ARHGAP5: variants seen among roughly 807,000 people sequenced by gnomAD.
ARHGAP5 encodes the protein rho GTPase-activating protein 5.
A neutral mutation model predicts 116.6 loss-of-function variants in ARHGAP5; 23 were observed. The observed-to-expected ratio is 0.20, with a 90% CI of 0.14 to 0.28. The LOEUF (loss-of-function observed/expected upper bound fraction) is 0.28, where lower values mean the gene tolerates loss of function less well. Ranked by LOEUF, ARHGAP5 falls within the 10% of genes least tolerant of loss-of-function variation. ARHGAP5 has a pLI of 1.00. For synonymous variants in ARHGAP5, 574 were observed against 602.0 expected (o/e 0.95, Z 0.68); for missense variants, 1,405 against 1,774.8 (o/e 0.79, Z 3.74).
chr14:32,134,235 C>G (rs992240831), intron 3 of ARHGAP5, among the ~76,000 whole-genome samples: 2 of 151,898 alleles, frequency 1.3e-5, no homozygotes, highest in Admixed American at 6.6e-5. Flanking sequence ...AATTCAAAGC[C>G]TTTTTTTGCA....
chr14:32,154,875 T>C lies in ARHGAP5; in HGVS notation c.4436T>C (p.Leu1479Pro). Reference sequence around the variant, plus strand: ...CAGTTGGTGGAACCAATGGTGCCACTTCAGTTGCCGCCACCATTGCAACCT... The same window carrying C: ...CAGTTGGTGGAACCAATGGTGCCACCTCAGTTGCCGCCACCATTGCAACCT... The part of the protein sequence containing the change: ...PGQLVEPMVP[L>P]QLPPPLQPQL... Residue 1479 changes from leucine (L) to proline (P), a missense_variant, in exon 7 of 7, where the codon CTT becomes CCT. Physicochemically the swap from Leu to Pro is moderately conservative, Grantham distance 98 (BLOSUM62 -3). Around this residue, in one of 6 missense-constraint regions of ARHGAP5, gnomAD observed 85 missense variants for 96.6 expected, o/e 0.88. Transcript: ENST00000345122. 6.2e-7 allele frequency: 1 copy of C among 1,614,062 alleles called. No individual in the cohort carries two copies. The highest frequency in any genetic ancestry group is 1.1e-5 in the South Asian group (1 of 91,076).
At chr14:32,131,973 C>T (rs891861514) in intron 3 of ARHGAP5, among the ~76,000 whole-genome samples, 5 of 152,256 alleles carry the variant, frequency 3.3e-5, no homozygotes, top group African/African-American at 1.2e-4. Flanking sequence ...TTTTCTTAAT[C>T]CAGTCTGTCC....
intron 3 of ARHGAP5, among the ~76,000 whole-genome samples, chr14:32,138,316 A>G (rs527345093): frequency 3.4e-4 from 52 of 152,172 alleles, no homozygotes; most frequent in African/African-American, 1.2e-3. Flanking sequence ...GCAGAGTCTC[A>G]CTCTGTTGCC....
chr14:32,119,588 A>G (rs954029185), intron 3 of ARHGAP5, among the ~76,000 whole-genome samples: 15 of 152,152 alleles, frequency 9.9e-5, no homozygotes, highest in African/African-American at 3.6e-4. Context: ...ATTCACCGCT[A>G]AAAGCATCTG....
intron 1 of ARHGAP5, among the ~76,000 whole-genome samples, chr14:32,089,038 A>G (rs777599452): frequency 6.6e-6 from 1 of 151,966 alleles, no homozygotes; most frequent in East Asian, 1.9e-4. Flanking sequence ...ACAAAAGTGA[A>G]CCTAATATAT....
At chr14:32,111,415 G>A (rs1451427317) in intron 2 of ARHGAP5, among the ~76,000 whole-genome samples, 1 of 152,198 alleles carries the variant, frequency 6.6e-6, no homozygotes, top group East Asian at 1.9e-4. Context: ...GAGACTGACT[G>A]CTGAAAAGTC....
chr14:32,139,757 G>A (rs2139124544), intron 3 of ARHGAP5, among the ~76,000 whole-genome samples: 1 of 150,304 alleles, frequency 6.7e-6, no homozygotes, highest in South Asian at 2.1e-4. Context: ...GTTTAGCTTT[G>A]TCTTCTTTTT....
rs1878352974 is a variant in ARHGAP5, at chr14:32,093,203, A to G, written c.2534A>G (p.Asp845Gly). Residue 845 changes from aspartate (D) to glycine (G), a missense_variant, in exon 2 of 7, where the codon GAT (aspartate) becomes GGT (glycine). Transcript: ENST00000345122. The part of the protein sequence containing the change: ...SYHSSIGVRK[D>G]ELVHGYILVY... ...CACTCTTCAATTGGAGTAAGAAAAGATGAACTAGTTCATGGGTATATATTA... is the reference window on the plus strand; with the variant it reads ...CACTCTTCAATTGGAGTAAGAAAAGGTGAACTAGTTCATGGGTATATATTA... 2 of 1,614,040 alleles carry G rather than the reference A, an allele frequency of 1.2e-6. No homozygotes were observed. Among genetic ancestry groups the G allele is most frequent in the Admixed American group, 1.7e-5 (1 of 60,002 alleles).
intron 4 of ARHGAP5, among the ~76,000 whole-genome samples, chr14:32,149,347 A>C (rs1282103698): frequency 1.4e-5 from 2 of 145,158 alleles, no homozygotes; most frequent in Non-Finnish European, 3.0e-5. Flanking sequence ...CTGTATAAAC[A>C]AAAAAAAAAG....
intron 3 of ARHGAP5, among the ~76,000 whole-genome samples, chr14:32,125,691 G>A (rs1045117530): frequency 4.6e-5 from 7 of 152,118 alleles, no homozygotes; most frequent in Admixed American, 3.9e-4. Flanking sequence ...TTTTGATAAG[G>A]TTTCCTTTTA....
At chr14:32,134,604 G>C (rs918309271) in intron 3 of ARHGAP5, among the ~76,000 whole-genome samples, 3 of 152,048 alleles carry the variant, frequency 2.0e-5, no homozygotes, top group Non-Finnish European at 4.4e-5. Context: ...AAAATAGCCG[G>C]CCTATTGAAC....
intron 2 of ARHGAP5, among the ~76,000 whole-genome samples, chr14:32,103,164 T>G (rs1398877472): frequency 6.6e-6 from 1 of 152,210 alleles, no homozygotes; most frequent in Non-Finnish European, 1.5e-5. Context: ...ATTTGTTTCT[T>G]CAGCATTTTT....
chr14:32,133,903 T>G (rs139073168), intron 3 of ARHGAP5, among the ~76,000 whole-genome samples: 2,311 of 152,290 alleles, frequency 0.015, 62 homozygotes, highest in African/African-American at 0.053. Flanking sequence ...TTGCATGTAT[T>G]GAACCAGCCT....
chr14:32,081,548 CAA>C (rs529516365), intron 1 of ARHGAP5, among the ~76,000 whole-genome samples: 156 of 48,876 alleles, frequency 3.2e-3, no homozygotes, highest in African/African-American at 9.7e-3. Context: ...GACTCCTTCT[CAA>C]AAAAAAAAAA....
intron 4 of ARHGAP5, among the ~76,000 whole-genome samples, chr14:32,147,195 T>C (rs1461075606): frequency 6.6e-6 from 1 of 152,164 alleles, no homozygotes; most frequent in Non-Finnish European, 1.5e-5. Context: ...AATGAGTGAA[T>C]ATTTTTATAG....
chr14:32,126,437 G>A (rs1203477652), intron 3 of ARHGAP5, among the ~76,000 whole-genome samples: 3 of 152,090 alleles, frequency 2.0e-5, no homozygotes, highest in South Asian at 2.1e-4. Context: ...CTCCATGTGC[G>A]TGCGCAGGTG....
chr14:32,137,185 C>T (rs974728844), intron 3 of ARHGAP5, among the ~76,000 whole-genome samples: 2 of 150,182 alleles, frequency 1.3e-5, no homozygotes, highest in Non-Finnish European at 3.0e-5. Flanking sequence ...ATCACTTTTT[C>T]CTTTATCCCT....
rs1882029555 is a variant in ARHGAP5, at chr14:32,159,680, ATTC to A, written c.*4735_*4737del. On this transcript the variant is annotated 3_prime_UTR_variant, in exon 7 of 7. Coordinates refer to ENST00000345122, the MANE Select transcript of ARHGAP5 (RefSeq NM_001030055.2). ...GGGGCTCTTAGTTTCTTTTCTCCAG[ATTC>A]TTGTTATTTTATTTTATCCAAATAA... 1 of 152,032 alleles carries A rather than the reference ATTC, an allele frequency of 6.6e-6. No homozygotes were observed. The highest frequency in any genetic ancestry group is 1.5e-5 in the Non-Finnish European group (1 of 68,012). The allele number at this position is 152,032 out of a possible 1,614,324, so 9.4% of individuals were successfully genotyped here. A position where few individuals can be genotyped will look rare whatever the true frequency, so the allele number is the denominator to read the frequency against.
chr14:32,135,723 G>A (rs922648590), intron 3 of ARHGAP5, among the ~76,000 whole-genome samples: 10 of 152,152 alleles, frequency 6.6e-5, no homozygotes, highest in African/African-American at 2.4e-4. Flanking sequence ...ACTCCTGGCC[G>A]ATTTTTAGGT....
Sources: allele counts gnomAD v4.1 joint callset (sites outside exome capture counted in the v4.1 genomes callset), GRCh38; gene constraint gnomAD v4.1.1; regional missense constraint gnomAD v4.1.1; transcripts MANE v1.5; gene names NCBI Gene and HGNC (gene_info 2026-07-23, HGNC 2026-07-21).